Variants in DOCK10 observed in about 807,000 individuals in gnomAD.
DOCK10 encodes the protein dedicator of cytokinesis protein 10.
In DOCK10, 145 loss-of-function variants were observed where a neutral mutation model predicts 280.1. The observed-to-expected ratio is 0.52, with a 90% CI of 0.45 to 0.59. The LOEUF is 0.59. Among genes scored for constraint, DOCK10 ranks in the 20% least tolerant of loss-of-function variants. The pLI, the probability that DOCK10 is intolerant of heterozygous loss-of-function variation, is 0.00. For synonymous variants in DOCK10, 915 were observed against 942.2 expected, an observed-to-expected ratio of 0.97 and a Z score of 0.53; for missense variants, 2,368 against 2,651.7, an observed-to-expected ratio of 0.89 and a Z score of 2.35.
chr2:224,857,077 T>G, intron 14 of DOCK10, 95 bp from the exon 15 acceptor site: 1 of 1,025,468 alleles, frequency 9.8e-7, no homozygotes, highest in Non-Finnish European at 1.3e-6. Flanking sequence ...TCATTTATAA[T>G]CAGAGAAACT....
chr2:224,912,545 T>C (rs1048731620), intron 3 of DOCK10, among the ~76,000 whole-genome samples: 1 of 152,164 alleles, frequency 6.6e-6, no homozygotes, highest in Non-Finnish European at 1.5e-5. Flanking sequence ...AAGTTGAAAA[T>C]CAATCTCTCC....
At chr2:224,982,401 A>G (rs1705797505) in intron 1 of DOCK10, 31 of 1,231,452 alleles carry the variant, frequency 2.5e-5, no homozygotes, top group Admixed American at 1.3e-4. Flanking sequence ...AATAACTTCT[A>G]TGTTGATGCT....
chr2:224,834,162 C>T lies in DOCK10; in HGVS notation c.2952G>A (p.Lys984=). The change falls in exon 26 of 56, where the codon AAG becomes AAA. Residue 984 remains lysine (K), a synonymous_variant. Coordinates refer to ENST00000258390, the MANE Select transcript of DOCK10 (RefSeq NM_014689.3). ...LLKSNDSTTV[K]HVLKHSWFFF... is the part of the protein sequence containing the mutation. ...TTTAAATTCTTACCTTTAGGACATG[C>T]TTTACTGTTGTTGAGTCATTTGATT... 1.9e-6 allele frequency: 3 copies of T among 1,606,836 alleles called. No individual in the cohort carries two copies. The highest frequency in any genetic ancestry group is 2.6e-6 in the Non-Finnish European group (3 of 1,173,450).
rs765434405 is a variant in DOCK10 at position 224,804,852 on chromosome 2, G to GA, written c.4119-12dup. The stretch of plus-strand genomic sequence containing the variant: ...TTTTGAAGACAAACGCTAGAAAGGA[G>GA]AAAAAAACCACATTTTAATTATTCA... On this transcript the variant is annotated splice_polypyrimidine_tract_variant and intron_variant, in intron 37 of 55. Transcript: ENST00000258390. 5.3e-6 allele frequency: 8 copies of GA among 1,496,036 alleles called. No homozygotes were observed. Among genetic ancestry groups the GA allele is most frequent in the Admixed American group, 4.9e-5 (2 of 40,896 alleles). 92.7% of individuals were successfully genotyped at this position (1,496,036 alleles called of 1,614,324 possible).
chr2:224,848,170 C>T (rs55897037), intron 19 of DOCK10, among the ~76,000 whole-genome samples: 4,867 of 152,164 alleles, frequency 0.032, 116 homozygotes, highest in South Asian at 0.061. Context: ...GCTGCAAGCT[C>T]GATTTTAGCC....
chr2:224,972,625 A>C (rs75058665), intron 1 of DOCK10, among the ~76,000 whole-genome samples: 2,115 of 152,360 alleles, frequency 0.014, 29 homozygotes, highest in Middle Eastern at 0.024. Flanking sequence ...TAGTAAGTTC[A>C]GTTGTACCTA....
intron 1 of DOCK10, among the ~76,000 whole-genome samples, chr2:225,038,698 G>A (rs772080106): frequency 6.6e-6 from 1 of 152,122 alleles, no homozygotes; most frequent in Non-Finnish European, 1.5e-5. Flanking sequence ...TCTAATAATA[G>A]AGTAAATATA....
At chr2:224,869,570 T>C (rs1698136654) in intron 11 of DOCK10, among the ~76,000 whole-genome samples, 1 of 152,250 alleles carries the variant, frequency 6.6e-6, no homozygotes, top group African/African-American at 2.4e-5. Context: ...TTTTGTGTTA[T>C]TGCTTATAGG....
chr2:224,932,017 C>T (rs142154161), intron 1 of DOCK10, among the ~76,000 whole-genome samples: 15 of 152,124 alleles, frequency 9.9e-5, no homozygotes, highest in South Asian at 4.1e-4. Flanking sequence ...TTACTTGCTA[C>T]GGTATTATGA....
intron 2 of DOCK10, among the ~76,000 whole-genome samples, chr2:224,923,443 A>T (rs1421084990): frequency 2.0e-5 from 3 of 152,340 alleles, no homozygotes; most frequent in Middle Eastern, 6.8e-3. Context: ...ATATGGGAAG[A>T]TGTGAGCATT....
At chr2:224,874,807 T>C (rs567049510) in intron 8 of DOCK10, 56 bp from the exon 9 acceptor site, 2 of 1,497,350 alleles carry the variant, frequency 1.3e-6, no homozygotes, top group South Asian at 1.1e-5. Flanking sequence ...TCACACATTC[T>C]TCTAGCCTGT....
At position 224,840,081 on chromosome 2, in the gene DOCK10, A is replaced by C. The variant is rs1445720568; in HGVS notation, c.2662-9T>G. 7.3e-7 allele frequency: 1 copy of C among 1,364,316 alleles called. No individual in the cohort carries two copies. Among genetic ancestry groups the C allele is most frequent in the African/African-American group, 1.4e-5 (1 of 69,500 alleles). The allele number at this position is 1,364,316 out of a possible 1,614,324, so 84.5% of individuals were successfully genotyped here. ...TCCACATTCAATAAGTTCTGTAGTAAATTGGCAGAAAAAAAGGATACCAAT... is the reference window on the plus strand; with the variant it reads ...TCCACATTCAATAAGTTCTGTAGTACATTGGCAGAAAAAAAGGATACCAAT... On this transcript the variant is annotated splice_polypyrimidine_tract_variant and intron_variant, in intron 23 of 55. Coordinates refer to ENST00000258390, the MANE Select transcript of DOCK10 (RefSeq NM_014689.3).
intron 39 of DOCK10, among the ~76,000 whole-genome samples, chr2:224,802,289 A>T (rs907584204): frequency 3.3e-5 from 5 of 152,170 alleles, no homozygotes; most frequent in Admixed American, 2.6e-4. Flanking sequence ...TCATTGAGTG[A>T]AATCTATTCA....
chr2:224,875,252 A>T (rs1476011687), intron 8 of DOCK10, among the ~76,000 whole-genome samples: 1 of 152,218 alleles, frequency 6.6e-6, no homozygotes, highest in Non-Finnish European at 1.5e-5. Flanking sequence ...CAACAAAATC[A>T]GCAATAGTTT....
At chr2:225,005,811 A>C (rs1689230102) in intron 1 of DOCK10, among the ~76,000 whole-genome samples, 1 of 152,238 alleles carries the variant, frequency 6.6e-6, no homozygotes, top group Non-Finnish European at 1.5e-5. Context: ...TGTAATCTGA[A>C]GTTTGAAAGA....
intron 17 of DOCK10, 22 bp from the exon 18 acceptor site, chr2:224,852,464 A>G: frequency 1.3e-6 from 2 of 1,545,182 alleles, no homozygotes; most frequent in South Asian, 2.4e-5. Context: ...GAGAGAAAAA[A>G]TGGAAATTGT....
chr2:224,824,978 ATTTTTT>A (rs10563888), intron 27 of DOCK10, among the ~76,000 whole-genome samples: 1 of 126,960 alleles, frequency 7.9e-6, no homozygotes, highest in Admixed American at 8.1e-5. Flanking sequence ...GCTGGCTTCT[ATTTTTT>A]TTTTTTTTTT....
In DOCK10 at chr2:224,805,032, G is replaced by GT. The variant is rs1372190238; in HGVS notation, c.4118+25dup. 6.3e-7 allele frequency: 1 copy of GT among 1,575,050 alleles called. No homozygotes were observed. Among genetic ancestry groups the GT allele is most frequent in the Non-Finnish European group, 8.6e-7 (1 of 1,161,946 alleles). On this transcript the variant is annotated intron_variant, in intron 37 of 55. Transcript: ENST00000258390. The surrounding 1 kb of genome is among the most constrained non-coding windows in gnomAD (Gnocchi z 4.3). ...TATTTAGAAATTTCCAGAAAAAAGT[G>GT]TTAAGTCATCAACTCTAAAACTTAC...
chr2:225,021,760 C>G (rs1008114764), intron 1 of DOCK10, among the ~76,000 whole-genome samples: 3 of 152,190 alleles, frequency 2.0e-5, no homozygotes, highest in Admixed American at 6.5e-5. Context: ...GTCTCTTCTC[C>G]AAGACATAAC....
Sources: allele counts gnomAD v4.1 joint callset (sites outside exome capture counted in the v4.1 genomes callset), GRCh38; gene constraint gnomAD v4.1.1; non-coding constraint Gnocchi (gnomAD v3.1); transcripts MANE v1.5; gene names NCBI Gene and HGNC (gene_info 2026-07-23, HGNC 2026-07-21).